LENG8: variants seen among roughly 807,000 people sequenced by gnomAD.
The protein encoded by LENG8 is leukocyte receptor cluster member 8, also known as leukocyte receptor cluster (LRC) member 8.
A neutral mutation model predicts 102.1 loss-of-function variants in LENG8; 28 were observed. The ratio of observed to expected loss-of-function variants is 0.27; its 90% CI spans 0.20 to 0.38. The LOEUF (loss-of-function observed/expected upper bound fraction) is 0.38. Among genes scored for constraint, LENG8 ranks in the 10% least tolerant of loss-of-function variants. The pLI is 1.00. For synonymous variants in LENG8, 531 were observed against 456.7 expected (o/e 1.16, Z -2.07); for missense variants, 1,022 against 1,113.9 (o/e 0.92, Z 1.17).
At chr19:54,457,897 G>A (rs573901534) in intron 12 of LENG8, 37 bp from the exon 13 acceptor site, 36 of 1,613,744 alleles carry the variant, frequency 2.2e-5, no homozygotes, top group East Asian at 1.3e-4. Context: ...CCTGCCTCCC[G>A]CTCCTTGTGA....
rs746015871 is a variant in LENG8, at chr19:54,461,345, C to T, written c.*417C>T. 38 of 457,006 alleles carry T rather than the reference C, an allele frequency of 8.3e-5. No individual in the cohort carries two copies. Among genetic ancestry groups the T allele is most frequent in the South Asian group, 5.2e-4 (33 of 64,030 alleles). 28.3% of individuals were successfully genotyped at this position (457,006 alleles called of 1,614,324 possible). On this transcript the variant is annotated 3_prime_UTR_variant, in exon 16 of 16. Transcript: ENST00000326764. ...CCGTCCAGCCCGTGCCCGCCTGCGGCGGGGGCACCCAGCAAGCCCGCCCAC... is the reference window on the plus strand; with the variant it reads ...CCGTCCAGCCCGTGCCCGCCTGCGGTGGGGGCACCCAGCAAGCCCGCCCAC...
At chr19:54,455,271 T>C in intron 7 of LENG8, 93 bp from the exon 8 acceptor site, 2 of 1,515,350 alleles carry the variant, frequency 1.3e-6, no homozygotes. Context: ...ACTTGGGGAC[T>C]GCGTCCCGCT....
rs1292284258 is a variant in LENG8 at position 54,456,290 on chromosome 19, C to T, written c.1305-35C>T. ...GGGCTGTGTGTGAGGGAGGGGGAGG[C>T]GTTTCAGGCCTGACCCTCCTGCTTC... On this transcript the variant is annotated intron_variant, in intron 9 of 15. Transcript: ENST00000326764. 7 of 1,613,978 alleles carry T rather than the reference C, an allele frequency of 4.3e-6. No individual in the cohort carries two copies. The highest frequency in any genetic ancestry group is 2.2e-5 in the East Asian group (1 of 44,886).
rs747559717 is a variant in LENG8 at position 54,456,664 on chromosome 19, C to G, written c.1474C>G (p.Arg492Gly). The change falls in exon 11 of 16, where the codon CGA (arginine) becomes GGA (glycine). Residue 492 changes from arginine to glycine, a missense_variant. This residue lies in a region of LENG8 where 326 missense variants were observed against 324.5 expected (regional missense o/e 1.00). Coordinates refer to ENST00000326764, the MANE Select transcript of LENG8 (RefSeq NM_052925.4). ...RHDLAPTKRS[R>G]KKMAALECED... ...CGATCTGGCGCCCACCAAGCGCAGT[C>G]GAAAGAAGATGGCGGCGCTGGAGTG... 2 of 1,612,686 alleles carry G rather than the reference C, an allele frequency of 1.2e-6. No individual in the cohort carries two copies. Among genetic ancestry groups the G allele is most frequent in the African/African-American group, 1.3e-5 (1 of 74,918 alleles).
chr19:54,460,968 C>T lies in LENG8; in HGVS notation c.*40C>T, dbSNP rs576521045. The stretch of plus-strand genomic sequence containing the variant: ...GGGGCGGGGGCAGGGGCTGCAGCCC[C>T]CAGCGCTGCCTTTGCGGATTCTGTT... On this transcript the variant is annotated 3_prime_UTR_variant, in exon 16 of 16. Coordinates refer to ENST00000326764, the MANE Select transcript of LENG8 (RefSeq NM_052925.4). The T allele has an allele frequency of 6.5e-7, 1 of 1,537,176 alleles. No individual in the cohort carries two copies. Among genetic ancestry groups the T allele is most frequent in the Non-Finnish European group, 8.7e-7 (1 of 1,146,652 alleles).
At chr19:54,455,163 G>A in intron 7 of LENG8, 71 bp downstream of exon 7, 1 of 1,594,874 alleles carries the variant, frequency 6.3e-7, no homozygotes. Flanking sequence ...AGTCCCACTG[G>A]CCAGCTGCCC....
chr19:54,455,679 GA>G, intron 8 of LENG8, 112 bp downstream of exon 8: 1 of 1,087,524 alleles, frequency 9.2e-7, no homozygotes, highest in Admixed American at 2.1e-5. Flanking sequence ...AAAGAGAAAT[GA>G]ACTGGAAAGT....
intron 1 of LENG8, 84 bp from the exon 2 acceptor site, chr19:54,451,204 CTT>C: frequency 3.5e-6 from 3 of 869,174 alleles, no homozygotes; most frequent in South Asian, 1.4e-5. Flanking sequence ...CCCGGCTTCT[CTT>C]GAGTCCATCT....
Position 54,456,925 on chromosome 19 carries a change from A to G in LENG8, c.1731+4A>G, listed in dbSNP as rs755976568. The G allele has an allele frequency of 1.9e-6, 3 of 1,602,252 alleles. No homozygotes were observed. Among genetic ancestry groups the G allele is most frequent in the East Asian group, 2.2e-5 (1 of 44,800 alleles). On this transcript the variant is annotated splice_donor_region_variant and intron_variant, in intron 11 of 15. Coordinates refer to ENST00000326764, the MANE Select transcript of LENG8 (RefSeq NM_052925.4). ...GTCCACCGTGCGCCCTGTGGCAGTA[A>G]GTGCCCAGCAGGGCAGTTCTGCTCT...
intron 15 of LENG8, chr19:54,458,852 C>T (rs536065579): frequency 1.9e-6 from 3 of 1,550,680 alleles, no homozygotes; most frequent in African/African-American, 2.7e-5. Context: ...CCCTGGGCTT[C>T]CTCAGAACCC....
chr19:54,452,043 T>C, intron 2 of LENG8, 50 bp from the exon 3 acceptor site: 1 of 1,555,958 alleles, frequency 6.4e-7, no homozygotes, highest in Non-Finnish European at 8.8e-7. Context: ...CTTGCCCACC[T>C]GTGTACAGTG....
At chr19:54,460,486 G>A (rs1331139518) in intron 15 of LENG8, 5 of 1,343,166 alleles carry the variant, frequency 3.7e-6, no homozygotes, top group African/African-American at 3.0e-5. Flanking sequence ...CTCAGCCAGC[G>A]GAGGAGCCCG....
Position 54,461,860 on chromosome 19 carries a change from C to A in LENG8, c.*932C>A. On this transcript the variant is annotated 3_prime_UTR_variant, in exon 16 of 16. Coordinates refer to ENST00000326764, the MANE Select transcript of LENG8 (RefSeq NM_052925.4). ...GGAGGATGTGCTATGAGTTTGCAAA[C>A]AGCTGGACTGTCAGGCTGCTTTTTT... is the stretch of plus-strand genomic sequence containing the variant. 1.8e-5 allele frequency: 9 copies of A among 510,370 alleles called. No individual in the cohort carries two copies. Among genetic ancestry groups the A allele is most frequent in the East Asian group, 1.1e-4 (2 of 17,766 alleles). 31.6% of individuals were successfully genotyped at this position (510,370 alleles called of 1,614,324 possible).
Position 54,458,434 on chromosome 19 carries a change from A to G in LENG8, c.2153A>G (p.Tyr718Cys). The G allele has an allele frequency of 1.2e-6, 2 of 1,614,252 alleles. No individual in the cohort carries two copies. The highest frequency in any genetic ancestry group is 1.1e-5 in the South Asian group (1 of 91,084). ...LGNYHRFFRL[Y>C]CHAPCMSGYL... is the part of the protein sequence containing the mutation. ...AACTACCACCGCTTTTTCCGGCTCTACTGCCATGCACCCTGCATGTCTGGC... is the reference window on the plus strand; with the variant it reads ...AACTACCACCGCTTTTTCCGGCTCTGCTGCCATGCACCCTGCATGTCTGGC... Residue 718 changes from tyrosine to cysteine, a missense_variant, in exon 15 of 16, where the codon TAC becomes TGC. By Grantham distance (194) the Tyr-to-Cys change is radical. Transcript: ENST00000326764.
In LENG8 at chr19:54,458,002, G is replaced by T. The variant is rs1220644033; in HGVS notation, c.1902G>T (p.Lys634Asn). The T allele has an allele frequency of 6.2e-7, 1 of 1,613,560 alleles. No individual in the cohort carries two copies. The highest frequency in any genetic ancestry group is 8.5e-7 in the Non-Finnish European group (1 of 1,180,032). ...CCCATGCCCGGATCGCCTTGGAGAAGGTGAGCTGGCCTCTGCGGGCCTCCC... is the reference window on the plus strand; with the variant it reads ...CCCATGCCCGGATCGCCTTGGAGAATGTGAGCTGGCCTCTGCGGGCCTCCC... ...YETHARIALEKGDHEEFNQCQ... is the reference protein window; with the variant it reads ...YETHARIALENGDHEEFNQCQ... Residue 634 changes from lysine to asparagine, a missense_variant and splice_region_variant, in exon 13 of 16, where the codon AAG becomes AAT. Physicochemically the swap from Lys to Asn is moderately conservative, Grantham distance 94 (BLOSUM62 0). Transcript: ENST00000326764.
intron 15 of LENG8, chr19:54,460,565 A>G: frequency 7.1e-7 from 1 of 1,410,748 alleles, no homozygotes; most frequent in Non-Finnish European, 9.2e-7. Context: ...TGAGGGGGGC[A>G]CAGGGGACTG....
chr19:54,450,614 C>T (rs10415734), intron 1 of LENG8, among the ~76,000 whole-genome samples: 49,930 of 144,034 alleles, frequency 0.35, 9,506 homozygotes, highest in East Asian at 0.62. Context: ...CCCGTACTCC[C>T]TAGCTTTTTT....
rs1426570307 is a variant in LENG8, at chr19:54,449,213, A to C, written c.-153A>C. 1 of 152,424 alleles carries C rather than the reference A, an allele frequency of 6.6e-6. No individual in the cohort carries two copies. The highest frequency in any genetic ancestry group is 1.5e-5 in the Non-Finnish European group (1 of 68,204). 9.4% of individuals were successfully genotyped at this position (152,424 alleles called of 1,614,324 possible). Reference sequence around the variant, plus strand: ...CGCGGTCAGGACGTCGAAGCCAAAGAAGACCAGAGCCAGCCGGGTGGCACA... The same window carrying C: ...CGCGGTCAGGACGTCGAAGCCAAAGCAGACCAGAGCCAGCCGGGTGGCACA... On this transcript the variant is annotated 5_prime_UTR_variant, in exon 1 of 16. Transcript: ENST00000326764.
At position 54,456,257 on chromosome 19, in the gene LENG8, C is replaced by T. The variant is rs760302695; in HGVS notation, c.1304+12C>T. On this transcript the variant is annotated intron_variant, in intron 9 of 15. Transcript: ENST00000326764. The stretch of plus-strand genomic sequence containing the variant: ...CACTTCCGCAGAAGGTACTGAGGCT[C>T]CCGGCTGGGGCTGTGTGTGAGGGAG... The T allele has an allele frequency of 2.5e-6, 4 of 1,614,030 alleles. No homozygotes were observed. Among genetic ancestry groups the T allele is most frequent in the African/African-American group, 1.3e-5 (1 of 75,044 alleles).
Sources: allele counts gnomAD v4.1 joint callset (sites outside exome capture counted in the v4.1 genomes callset), GRCh38; gene constraint gnomAD v4.1.1; regional missense constraint gnomAD v4.1.1; transcripts MANE v1.5; gene names NCBI Gene and HGNC (gene_info 2026-07-23, HGNC 2026-07-21).